The following BLK variants were observed in gnomAD, a reference collection of about 807,000 sequenced individuals.
The protein encoded by BLK is BLK proto-oncogene, Src family tyrosine kinase.
BLK carries 64 observed loss-of-function variants against 61.8 expected under a neutral mutation model. That is an observed-to-expected ratio of 1.03 (90% CI 0.85 to 1.27). BLK has a LOEUF of 1.27. Among genes scored for constraint, BLK ranks in the 50% most tolerant of loss-of-function variants. The pLI is 0.00. For missense variants in BLK, 853 were observed against 660.5 expected (o/e 1.29, Z -3.19); for synonymous variants, 351 against 272.0 (o/e 1.29, Z -2.86).
intron 1 of BLK, among the ~76,000 whole-genome samples, chr8:11,542,701 A>G (rs1267536768): frequency 6.6e-6 from 1 of 152,224 alleles, no homozygotes; most frequent in Non-Finnish European, 1.5e-5. Flanking sequence ...TGCCTGTGCT[A>G]TCAATCTGTC....
intron 1 of BLK, among the ~76,000 whole-genome samples, chr8:11,530,937 G>A (rs942819146): frequency 1.6e-4 from 24 of 152,326 alleles, no homozygotes; most frequent in African/African-American, 5.1e-4. Context: ...GTTTCCTAAA[G>A]TTGTTTCGTT....
chr8:11,555,185 G>A, intron 7 of BLK, 147 bp from the exon 8 acceptor site: 2 of 1,113,284 alleles, frequency 1.8e-6, no homozygotes, highest in South Asian at 1.3e-5. Context: ...AGAGTTGAGT[G>A]TGTGTGCATG....
In BLK at chr8:11,503,730, G is replaced by A. The variant is rs138067109; in HGVS notation, c.-2+9139G>A. ...CCAGACTGGAGGTTCCTATGTGCAG[G>A]TGTGGAGGATGGAAGAGGTCACTCT... On this transcript the variant is annotated intron_variant, in intron 1 of 12. Coordinates refer to ENST00000259089, the MANE Select transcript of BLK (RefSeq NM_001715.3). 3.8e-3 allele frequency among the ~76,000 whole-genome samples: 581 copies of A among 152,286 alleles called. 5 individuals are homozygous for A. Among genetic ancestry groups the A allele is most frequent in the African/African-American group, 0.013 (554 of 41,544 alleles).
At chr8:11,520,197 C>T (rs1799385369) in intron 1 of BLK, among the ~76,000 whole-genome samples, 1 of 152,076 alleles carries the variant, frequency 6.6e-6, no homozygotes. Flanking sequence ...AACCACATAG[C>T]CAGGCACGGT....
intron 1 of BLK, among the ~76,000 whole-genome samples, chr8:11,494,895 C>G (rs1241182618): frequency 6.6e-6 from 1 of 152,204 alleles, no homozygotes; most frequent in South Asian, 2.1e-4. Context: ...GGGGGTTGAG[C>G]GGGCACACAC....
intron 1 of BLK, among the ~76,000 whole-genome samples, chr8:11,532,046 A>G (rs912764756): frequency 6.6e-6 from 1 of 151,988 alleles, no homozygotes; most frequent in Non-Finnish European, 1.5e-5. Context: ...TTTAGTAGAG[A>G]TGGGGTTTCA....
In BLK at chr8:11,544,175, G is replaced by C. The variant is rs141334120; in HGVS notation, c.123+828G>C. Among the ~76,000 whole-genome samples, 805 of 152,316 alleles carry C rather than the reference G, an allele frequency of 5.3e-3. 3 individuals carry two copies. Among genetic ancestry groups the C allele is most frequent in the African/African-American group, 0.018 (760 of 41,584 alleles). ...AGACAGAGTTTCACCATGTTGGCTA[G>C]ATTGGTCTTGAACTCCTGACCTCAG... is the stretch of plus-strand genomic sequence containing the variant. On this transcript the variant is annotated intron_variant, in intron 2 of 12. Coordinates refer to ENST00000259089, the MANE Select transcript of BLK (RefSeq NM_001715.3).
intron 1 of BLK, among the ~76,000 whole-genome samples, chr8:11,523,156 T>C (rs1799519269): frequency 6.6e-6 from 1 of 152,232 alleles, no homozygotes; most frequent in South Asian, 2.1e-4. Flanking sequence ...CATTTGCAAG[T>C]GTGAACGACA....
intron 2 of BLK, among the ~76,000 whole-genome samples, chr8:11,545,196 T>A (rs1436756952): frequency 2.6e-5 from 4 of 152,218 alleles, no homozygotes; most frequent in Non-Finnish European, 5.9e-5. Flanking sequence ...TTTTATTGCC[T>A]GAGTATACTG....
chr8:11,514,648 C>T (rs536933533), intron 1 of BLK, among the ~76,000 whole-genome samples: 1 of 152,204 alleles, frequency 6.6e-6, no homozygotes, highest in Admixed American at 6.5e-5. Flanking sequence ...ACTGCCCCCA[C>T]CTCTGGGCTC....
Position 11,522,378 on chromosome 8 carries a change from T to C in BLK, c.-1-20846T>C, listed in dbSNP as rs368225241. ...GACAATACGAGTTTTGGTGAGAATA[T>C]GGGGAAAATGAAAACTCTCAGGTAT... On this transcript the variant is annotated intron_variant, in intron 1 of 12. Transcript: ENST00000259089. Among the ~76,000 whole-genome samples the C allele has an allele frequency of 7.3e-4, 111 of 152,294 alleles. 3 individuals are homozygous for C. In the South Asian group the frequency reaches 0.023, roughly 31 times the overall value.
At chr8:11,559,131 C>G in intron 10 of BLK, 1 of 381,190 alleles carries the variant, frequency 2.6e-6, no homozygotes. Context: ...CTTGGGAAAT[C>G]TCGTGTGACC....
Position 11,510,572 on chromosome 8 carries a change from G to A in BLK, c.-2+15981G>A, listed in dbSNP as rs528773371. On this transcript the variant is annotated intron_variant, in intron 1 of 12. Transcript: ENST00000259089. ...TCTGTAGTTCCATCAGGTTCTCAAC[G>A]GGGGCTGTGGCCCCAAAAATGTTTT... is the stretch of plus-strand genomic sequence containing the variant. 2.2e-4 allele frequency among the ~76,000 whole-genome samples: 34 copies of A among 152,170 alleles called. No homozygotes were observed. In the South Asian group the frequency reaches 6.6e-3, roughly 30 times the overall value.
chr8:11,518,546 T>G (rs1799315539), intron 1 of BLK, among the ~76,000 whole-genome samples: 2 of 152,024 alleles, frequency 1.3e-5, no homozygotes, highest in African/African-American at 4.8e-5. Flanking sequence ...TCCACTTCTC[T>G]ATTTCCACTA....
At chr8:11,550,717 T>A (rs1027345023) in intron 6 of BLK, among the ~76,000 whole-genome samples, 1 of 152,216 alleles carries the variant, frequency 6.6e-6, no homozygotes, top group African/African-American at 2.4e-5. Context: ...AGGGTGGTAA[T>A]TGAGGGGAGC....
chr8:11,524,989 T>G (rs1199176989), intron 1 of BLK, among the ~76,000 whole-genome samples: 1 of 151,928 alleles, frequency 6.6e-6, no homozygotes, highest in Admixed American at 6.6e-5. Context: ...GATGATGGCA[T>G]TGGAGTTAAT....
intron 8 of BLK, 68 bp downstream of exon 8, chr8:11,555,552 T>C (rs1801168619): frequency 6.2e-7 from 1 of 1,605,580 alleles, no homozygotes; most frequent in East Asian, 2.2e-5. Context: ...GAGTCCAGGT[T>C]CAGCATTTTC....
At position 11,564,516 on chromosome 8, in the gene BLK, C is replaced by T. The variant is rs771644484; in HGVS notation, c.*408C>T. ...CCGCTACAGAAGCCAGACTGGGTCC[C>T]GCGGACGCCAGCAGGGGCAGCCCCA... On this transcript the variant is annotated 3_prime_UTR_variant, in exon 13 of 13. Coordinates refer to ENST00000259089, the MANE Select transcript of BLK (RefSeq NM_001715.3). 1 of 492,100 alleles carries T rather than the reference C, an allele frequency of 2.0e-6. No individual in the cohort carries two copies. Among genetic ancestry groups the T allele is most frequent in the South Asian group, 1.5e-5 (1 of 64,728 alleles). The allele number at this position is 492,100 out of a possible 1,614,324, so 30.5% of individuals were successfully genotyped here.
At chr8:11,535,049 G>C in intron 1 of BLK, among the ~76,000 whole-genome samples, 1 of 152,026 alleles carries the variant, frequency 6.6e-6, no homozygotes, top group South Asian at 2.1e-4. Flanking sequence ...ATGGCAGCAC[G>C]TGCCTGTGGT....
Sources: gnomAD v4.1 joint callset for allele counts (sites outside exome capture counted in the v4.1 genomes callset) on GRCh38, gnomAD v4.1.1 for gene constraint, MANE v1.5 for transcripts, NCBI Gene and HGNC (gene_info 2026-07-23, HGNC 2026-07-21) for gene names.